STK32B: variants seen among roughly 807,000 people sequenced by gnomAD.
STK32B encodes the protein serine/threonine-protein kinase 32B.
Under a neutral mutation model 52.6 loss-of-function variants are expected in STK32B, and 43 were observed. The ratio of observed to expected loss-of-function variants is 0.82; its 90% CI spans 0.64 to 1.05. STK32B has a LOEUF of 1.05. Ranked by LOEUF, STK32B falls within the 50% of genes least tolerant of loss-of-function variation. STK32B has a pLI of 0.00. For synonymous variants in STK32B, 238 were observed against 204.3 expected (o/e 1.17, Z -1.41); for missense variants, 621 against 534.6 (o/e 1.16, Z -1.59).
intron 3 of STK32B, among the ~76,000 whole-genome samples, chr4:5,201,005 C>T (rs948353529): frequency 6.6e-6 from 1 of 152,140 alleles, no homozygotes; most frequent in Non-Finnish European, 1.5e-5. Flanking sequence ...TCTCAGAACC[C>T]TGTAAATGAA....
intron 3 of STK32B, among the ~76,000 whole-genome samples, chr4:5,272,659 C>T (rs1577275451): frequency 1.3e-5 from 2 of 152,038 alleles, no homozygotes; most frequent in South Asian, 4.2e-4. Context: ...ATCAATGGAA[C>T]AGAACAGAGC....
At chr4:5,228,748 A>T (rs1335390672) in intron 3 of STK32B, among the ~76,000 whole-genome samples, 1 of 152,206 alleles carries the variant, frequency 6.6e-6, no homozygotes, top group African/African-American at 2.4e-5. Context: ...AGGGTGGATC[A>T]CCTGAGGTCA....
At chr4:5,248,677 A>C (rs1725645566) in intron 3 of STK32B, among the ~76,000 whole-genome samples, 1 of 152,222 alleles carries the variant, frequency 6.6e-6, no homozygotes, top group South Asian at 2.1e-4. Flanking sequence ...GAACCAACCC[A>C]AATGTCCATC....
In STK32B at chr4:5,217,993, C is replaced by CTGT. The variant is rs1444871425; in HGVS notation, c.260+49545_260+49547dup. 5.3e-5 allele frequency among the ~76,000 whole-genome samples: 8 copies of CTGT among 151,918 alleles called. No homozygotes were observed. The East Asian group carries it at 1.4e-3, about 26-fold the overall frequency. On this transcript the variant is annotated intron_variant, in intron 3 of 11. Transcript: ENST00000282908. The stretch of plus-strand genomic sequence containing the variant: ...GCTTTCTAAGAATTCTTCTTAAAAG[C>CTGT]TGTTATTATTATTATTACTCTTGGT...
intron 11 of STK32B, among the ~76,000 whole-genome samples, chr4:5,485,278 T>A (rs1241695294): frequency 6.6e-6 from 1 of 152,156 alleles, no homozygotes; most frequent in Non-Finnish European, 1.5e-5. Context: ...CTTGGAGGCT[T>A]TCTCGTTTCT....
At chr4:5,417,211 A>G (rs964018247) in intron 6 of STK32B, among the ~76,000 whole-genome samples, 3 of 152,234 alleles carry the variant, frequency 2.0e-5, no homozygotes, top group Non-Finnish European at 4.4e-5. Context: ...AAACAAAACA[A>G]GTATTTTCTT....
intron 3 of STK32B, among the ~76,000 whole-genome samples, chr4:5,209,111 G>T (rs1413666937): frequency 6.6e-6 from 1 of 152,228 alleles, no homozygotes; most frequent in Non-Finnish European, 1.5e-5. Flanking sequence ...TGCACATGGA[G>T]AGATTCAGGT....
chr4:5,312,936 A>G (rs548992348), intron 3 of STK32B, among the ~76,000 whole-genome samples: 2 of 152,146 alleles, frequency 1.3e-5, no homozygotes, highest in South Asian at 2.1e-4. Flanking sequence ...ATTTCTCCAT[A>G]TCCTCTCCAG....
At chr4:5,204,187 G>T (rs983172969) in intron 3 of STK32B, 1 of 152,164 alleles carries the variant, frequency 6.6e-6, no homozygotes, top group Non-Finnish European at 1.5e-5. Context: ...GAGCAGAATC[G>T]TGGGTAGAAT....
At chr4:5,051,100 C>A (rs962962833), upstream of STK32B, among the ~76,000 whole-genome samples, 1 of 152,164 alleles carries the variant, frequency 6.6e-6, no homozygotes, top group African/African-American at 2.4e-5. Flanking sequence ...CACTCCACTG[C>A]CCATCCCAAT....
rs532268101 is a variant in STK32B, at chr4:5,319,592, A to G, written c.261-11628A>G. On this transcript the variant is annotated intron_variant, in intron 3 of 11. Coordinates refer to ENST00000282908, the MANE Select transcript of STK32B (RefSeq NM_018401.3). ...ACGCACCCAGGCATACAGAGCTGGA[A>G]TCCATGCTCACCACTCCTCTCAGCC... 7.2e-5 allele frequency among the ~76,000 whole-genome samples: 11 copies of G among 152,260 alleles called. No individual in the cohort carries two copies. In the South Asian group the frequency reaches 2.1e-3, roughly 29 times the overall value.
chr4:5,163,982 G>T (rs1325317425), intron 2 of STK32B, among the ~76,000 whole-genome samples: 1 of 152,080 alleles, frequency 6.6e-6, no homozygotes, highest in Non-Finnish European at 1.5e-5. Flanking sequence ...CTGTCCCATG[G>T]AGACCCGACT....
chr4:5,052,577 C>T (rs989572771), intron 1 of STK32B, among the ~76,000 whole-genome samples: 5 of 152,112 alleles, frequency 3.3e-5, no homozygotes, highest in Non-Finnish European at 5.9e-5. Flanking sequence ...CTAGCAGAAC[C>T]CTCTTTCCAG....
rs886392006 is a variant in STK32B, at chr4:5,380,276, C to A, written c.435-17931C>A. ...AACCCCATCCCCATGGCCACGCACA[C>A]CCTGATCTATTTAATCCAGGCCCTC... is the stretch of plus-strand genomic sequence containing the variant. On this transcript the variant is annotated intron_variant, in intron 4 of 11. Coordinates refer to ENST00000282908, the MANE Select transcript of STK32B (RefSeq NM_018401.3). The surrounding 1 kb of genome is among the most constrained non-coding windows in gnomAD (Gnocchi z 4.3). Among the ~76,000 whole-genome samples the A allele has an allele frequency of 1.2e-4, 19 of 152,144 alleles. No individual in the cohort carries two copies. Among genetic ancestry groups the A allele is most frequent in the African/African-American group, 3.9e-4 (16 of 41,424 alleles).
rs117781184 is a variant in STK32B at position 5,111,471 on chromosome 4, G to A, written c.53-28434G>A. 5.1e-4 allele frequency among the ~76,000 whole-genome samples: 77 copies of A among 152,274 alleles called. 1 individual carries two copies. The East Asian group carries it at 0.014, about 27-fold the overall frequency. ...ACATCGTGTCCTTTGCAGCCACATA[G>A]ATGGAGCTGGAGGCTGTTATCCTAA... On this transcript the variant is annotated intron_variant, in intron 1 of 11. Coordinates refer to ENST00000282908, the MANE Select transcript of STK32B (RefSeq NM_018401.3).
intron 4 of STK32B, among the ~76,000 whole-genome samples, chr4:5,340,749 A>G (rs62297275): frequency 0.026 from 3,963 of 152,368 alleles, 248 homozygotes; most frequent in Admixed American, 0.15. Flanking sequence ...ACTTTAAACT[A>G]TATACATATA....
chr4:5,147,344 C>T (rs983379530), intron 2 of STK32B, among the ~76,000 whole-genome samples: 1 of 139,932 alleles, frequency 7.1e-6, no homozygotes, highest in Non-Finnish European at 1.5e-5. Flanking sequence ...TTGTAGTATT[C>T]TGGAGATTTT....
the STK32B span, among the ~76,000 whole-genome samples, chr4:5,027,370 G>A: frequency 6.6e-6 from 1 of 152,212 alleles, no homozygotes; most frequent in Non-Finnish European, 1.5e-5. Flanking sequence ...CAGCAGGCAG[G>A]AGGAGCTGTG....
At chr4:5,185,651 A>G (rs1389250189) in intron 3 of STK32B, among the ~76,000 whole-genome samples, 9 of 152,108 alleles carry the variant, frequency 5.9e-5, no homozygotes, top group Non-Finnish European at 1.2e-4. Flanking sequence ...CACAGAAGCA[A>G]TTGTCCCTAG....
Sources: gnomAD v4.1 joint callset for allele counts (sites outside exome capture counted in the v4.1 genomes callset) on GRCh38, gnomAD v4.1.1 for gene constraint, Gnocchi (gnomAD v3.1) non-coding constraint, MANE v1.5 for transcripts, NCBI Gene and HGNC (gene_info 2026-07-23, HGNC 2026-07-21) for gene names.